TLK1: variants seen among roughly 807,000 people sequenced by gnomAD.
The protein encoded by TLK1 is serine/threonine-protein kinase tousled-like 1.
A neutral mutation model predicts 105.3 loss-of-function variants in TLK1; 24 were observed. The observed-to-expected ratio is 0.23, with a 90% CI of 0.17 to 0.32. The LOEUF (loss-of-function observed/expected upper bound fraction) is 0.32, where lower values mean the gene tolerates loss of function less well. Ranked by LOEUF, TLK1 falls within the 10% of genes least tolerant of loss-of-function variation. The pLI, the probability that TLK1 is intolerant of heterozygous loss-of-function variation, is 1.00. For synonymous variants in TLK1, 321 were observed against 310.4 expected (o/e 1.03, Z -0.36); for missense variants, 558 against 910.5 (o/e 0.61, Z 4.98).
At chr2:171,109,011 T>C (rs992498349) in intron 2 of TLK1, among the ~76,000 whole-genome samples, 2 of 151,976 alleles carry the variant, frequency 1.3e-5, no homozygotes, top group South Asian at 2.1e-4. Flanking sequence ...ACAAAAAGAA[T>C]AGAACAAGAG....
intron 2 of TLK1, among the ~76,000 whole-genome samples, chr2:171,089,098 T>C (rs1689110232): frequency 6.6e-6 from 1 of 152,212 alleles, no homozygotes; most frequent in African/African-American, 2.4e-5. Context: ...GCCAGGCTGA[T>C]CTCGAACTCC....
At chr2:171,049,267 G>A (rs539789130) in intron 10 of TLK1, among the ~76,000 whole-genome samples, 1 of 152,158 alleles carries the variant, frequency 6.6e-6, no homozygotes, top group African/African-American at 2.4e-5. Context: ...TATATTCCCT[G>A]AAACTAAAAT....
At chr2:171,184,917 C>A (rs1342992711) in intron 1 of TLK1, among the ~76,000 whole-genome samples, 2 of 152,070 alleles carry the variant, frequency 1.3e-5, no homozygotes, top group Admixed American at 1.3e-4. Flanking sequence ...CGGCTCACTA[C>A]AAGCTCCGCC....
chr2:171,116,825 A>ACT (rs1393395448), intron 2 of TLK1, among the ~76,000 whole-genome samples: 1 of 152,182 alleles, frequency 6.6e-6, no homozygotes, highest in African/African-American at 2.4e-5. Flanking sequence ...ATACAGAAAT[A>ACT]CTCATGCACT....
At chr2:171,088,301 C>T (rs571895455) in intron 2 of TLK1, among the ~76,000 whole-genome samples, 10 of 152,226 alleles carry the variant, frequency 6.6e-5, no homozygotes, top group African/African-American at 2.4e-4. Context: ...CACTGCGCTC[C>T]ACCCTGAGCG....
intron 18 of TLK1, among the ~76,000 whole-genome samples, chr2:171,002,344 C>T (rs1314987966): frequency 1.3e-5 from 2 of 151,890 alleles, no homozygotes; most frequent in East Asian, 1.9e-4. Flanking sequence ...CTGCAAGCTC[C>T]GCCTCCCGGG....
chr2:171,088,180 AAAT>A (rs1575587363), intron 2 of TLK1, among the ~76,000 whole-genome samples: 1 of 152,142 alleles, frequency 6.6e-6, no homozygotes, highest in South Asian at 2.1e-4. Context: ...AGGAAAAAAA[AAAT>A]TAGCCAGATG....
At chr2:171,193,932 C>T (rs900105508) in intron 1 of TLK1, among the ~76,000 whole-genome samples, 2 of 151,758 alleles carry the variant, frequency 1.3e-5, no homozygotes, top group Non-Finnish European at 2.9e-5. Context: ...GTTGGCCAGG[C>T]TGATCTCAAA....
intron 1 of TLK1, among the ~76,000 whole-genome samples, chr2:171,213,974 G>C (rs1220006511): frequency 6.6e-6 from 1 of 151,462 alleles, no homozygotes; most frequent in East Asian, 2.0e-4. Context: ...TTCTTGAGGA[G>C]TGTGGAGCTC....
At chr2:171,051,664 A>G (rs1189331112) in intron 8 of TLK1, among the ~76,000 whole-genome samples, 1 of 148,036 alleles carries the variant, frequency 6.8e-6, no homozygotes, top group African/African-American at 2.6e-5. Flanking sequence ...TCTCATCTGA[A>G]GTACTGTTAT....
At chr2:171,188,802 G>C (rs1266688503) in intron 1 of TLK1, among the ~76,000 whole-genome samples, 1 of 151,662 alleles carries the variant, frequency 6.6e-6, no homozygotes, top group Admixed American at 6.6e-5. Flanking sequence ...TGAACCCAGG[G>C]AGGTGGAGGT....
chr2:171,130,995 A>C (rs530969777), intron 1 of TLK1, among the ~76,000 whole-genome samples: 1 of 148,286 alleles, frequency 6.7e-6, no homozygotes, highest in South Asian at 2.1e-4. Context: ...TAAGATTCTA[A>C]TAATAATTTC....
At chr2:171,127,984 C>A (rs1690941145) in intron 1 of TLK1, among the ~76,000 whole-genome samples, 1 of 152,132 alleles carries the variant, frequency 6.6e-6, no homozygotes. Context: ...GTCCCTGAAT[C>A]TAGGTATACA....
intron 1 of TLK1, among the ~76,000 whole-genome samples, chr2:171,121,264 C>T (rs539840445): frequency 1.2e-4 from 19 of 152,240 alleles, no homozygotes; most frequent in African/African-American, 3.4e-4. Flanking sequence ...GATGTCGCGG[C>T]GCCTGCCTAT....
chr2:171,046,505 A>ACTTATC, intron 10 of TLK1, 143 bp from the exon 11 acceptor site: 2 of 890,762 alleles, frequency 2.2e-6, no homozygotes, highest in Non-Finnish European at 3.2e-6. Context: ...ACCAATTTGT[A>ACTTATC]CTTATCCTTC....
At chr2:171,083,976 C>A (rs1454986453) in intron 2 of TLK1, among the ~76,000 whole-genome samples, 1 of 152,106 alleles carries the variant, frequency 6.6e-6, no homozygotes, top group African/African-American at 2.4e-5. Context: ...GTTTGAGCAT[C>A]TGTAAATACC....
At chr2:171,151,909 A>G (rs116127676) in intron 1 of TLK1, among the ~76,000 whole-genome samples, 1 of 152,362 alleles carries the variant, frequency 6.6e-6, no homozygotes, top group Non-Finnish European at 1.5e-5. Context: ...GGGAAATTTT[A>G]TATTTTTTAT....
chr2:171,070,304 T>G (rs866262521), intron 3 of TLK1, among the ~76,000 whole-genome samples: 1 of 151,818 alleles, frequency 6.6e-6, no homozygotes, highest in Middle Eastern at 3.2e-3. Context: ...CACTTATAGT[T>G]TTTTTTTAAA....
intron 1 of TLK1, among the ~76,000 whole-genome samples, chr2:171,213,289 C>T (rs1042193530): frequency 4.0e-5 from 6 of 151,674 alleles, no homozygotes; most frequent in African/African-American, 1.5e-4. Flanking sequence ...GCAGCCTCGA[C>T]CTCCTGGGCT....
Sources: gnomAD v4.1 joint callset for allele counts (sites outside exome capture counted in the v4.1 genomes callset) on GRCh38, gnomAD v4.1.1 for gene constraint, MANE v1.5 for transcripts, NCBI Gene and HGNC (gene_info 2026-07-23, HGNC 2026-07-21) for gene names.